FUOM: variants seen among roughly 807,000 people sequenced by gnomAD.
FUOM encodes fucose mutarotase.
In FUOM, 19 loss-of-function variants were observed where a neutral mutation model predicts 18.3. The observed-to-expected ratio is 1.04, with a 90% confidence interval of 0.73 to 1.53. The LOEUF (loss-of-function observed/expected upper bound fraction) is 1.53. Among genes scored for constraint, FUOM ranks in the 40% most tolerant of loss-of-function variants. The pLI is 0.00. For synonymous variants in FUOM, 102 were observed against 87.9 expected (o/e 1.16, Z -0.90); for missense variants, 210 against 200.9 (o/e 1.04, Z -0.27).
downstream of FUOM, among the ~76,000 whole-genome samples, chr10:133,353,955 T>C (rs1391804176): frequency 6.8e-6 from 1 of 147,628 alleles, no homozygotes; most frequent in African/African-American, 2.6e-5. Context: ...CCCAAGCTGG[T>C]GTTTGTGGCT....
chr10:133,355,092 A>G (rs60244572), downstream of FUOM: 27,359 of 497,026 alleles, frequency 0.055, 2,547 homozygotes, highest in African/African-American at 0.29. Flanking sequence ...CGTGGGGGCC[A>G]CTCTGGAGCC....
downstream of FUOM, among the ~76,000 whole-genome samples, chr10:133,353,100 C>T (rs1381122682): frequency 2.0e-5 from 3 of 152,248 alleles, no homozygotes; most frequent in African/African-American, 7.2e-5. Flanking sequence ...GGGCTCCCTA[C>T]AGCAGGAGCC....
In FUOM at chr10:133,356,751, G is replaced by T. The variant is rs1426606190; in HGVS notation, c.226-13C>A. 1.3e-6 allele frequency: 2 copies of T among 1,556,752 alleles called. No individual in the cohort carries two copies. The highest frequency in any genetic ancestry group is 1.4e-5 in the African/African-American group (1 of 73,446). On this transcript the variant is annotated splice_polypyrimidine_tract_variant and intron_variant, in intron 3 of 5. Coordinates refer to ENST00000278025, the MANE Select transcript of FUOM (RefSeq NM_001098483.3). ...CCATGACTGCAGCCTAGAGGGAGGG[G>T]TCAGCTCTGGGGCCCTGGGCACTGC...
Position 133,355,441 on chromosome 10 carries a change from A to T in FUOM, c.399-5T>A. 1 of 1,609,978 alleles carries T rather than the reference A, an allele frequency of 6.2e-7. No homozygotes were observed. The highest frequency in any genetic ancestry group is 8.5e-7 in the Non-Finnish European group (1 of 1,178,902). On this transcript the variant is annotated splice_polypyrimidine_tract_variant and splice_region_variant and intron_variant, in intron 5 of 5. Coordinates refer to ENST00000278025, the MANE Select transcript of FUOM (RefSeq NM_001098483.3). ...TTTCCGTAGAGGGCCGTCTCCCTGC[A>T]GAGGAGCCAAGCCCAGCACTGAGCT...
In FUOM at chr10:133,355,244, CG is replaced by C; in HGVS notation, c.*125del. Reference sequence around the variant, plus strand: ...TTGGCAGGGCCCACCCCAAGACTGCCGGCCCCTAGAGCCCTGGCCAGGGCCC... The same window carrying C: ...TTGGCAGGGCCCACCCCAAGACTGCCGCCCCTAGAGCCCTGGCCAGGGCCC... On this transcript the variant is annotated 3_prime_UTR_variant, in exon 6 of 6. Coordinates refer to ENST00000278025, the MANE Select transcript of FUOM (RefSeq NM_001098483.3). 2 of 1,067,396 alleles carry C rather than the reference CG, an allele frequency of 1.9e-6. No homozygotes were observed. Among genetic ancestry groups the C allele is most frequent in the Non-Finnish European group, 2.6e-6 (2 of 761,470 alleles). 66.1% of individuals were successfully genotyped at this position (1,067,396 alleles called of 1,614,324 possible). A position where few individuals can be genotyped will look rare whatever the true frequency, so the allele number is the denominator to read the frequency against.
At chr10:133,354,857 C>T (rs1442978540), downstream of FUOM, among the ~76,000 whole-genome samples, 1 of 152,226 alleles carries the variant, frequency 6.6e-6, no homozygotes, top group Non-Finnish European at 1.5e-5. Flanking sequence ...GCGTCCAGGC[C>T]AGCCCCTGCC....
intron 4 of FUOM, among the ~76,000 whole-genome samples, chr10:133,356,316 T>C (rs1185116557): frequency 1.3e-5 from 2 of 152,000 alleles, no homozygotes; most frequent in African/African-American, 2.4e-5. Flanking sequence ...CCAGGGGAGA[T>C]TGAGGAGGTG....
At position 133,355,331 on chromosome 10, in the gene FUOM, C is replaced by A; in HGVS notation, c.*39G>T. The A allele has an allele frequency of 6.4e-7, 1 of 1,561,152 alleles. No individual in the cohort carries two copies. The highest frequency in any genetic ancestry group is 2.3e-5 in the East Asian group (1 of 42,802). On this transcript the variant is annotated 3_prime_UTR_variant, in exon 6 of 6. Transcript: ENST00000278025. ...GTGGTGGTACTGGAGCTCAGGGTGC[C>A]CCCAGTTCCTCTTCCGGCCCAGGTG...
At chr10:133,353,792 CCT>C (rs1038811689), downstream of FUOM, among the ~76,000 whole-genome samples, 3 of 152,088 alleles carry the variant, frequency 2.0e-5, no homozygotes, top group Admixed American at 6.5e-5. Flanking sequence ...GGCAGCCTCC[CCT>C]GTCATCCTGA....
In FUOM at chr10:133,355,941, G is replaced by T. The variant is rs74164155; in HGVS notation, c.325-130C>A. On this transcript the variant is annotated intron_variant, in intron 4 of 5. Transcript: ENST00000278025. ...GGTTCCATTTCTTGGGCTCTCCCCC[G>T]GCAAGGGCCCCACGGTCACTCAGCC... The T allele has an allele frequency of 2.0e-3, 1,568 of 790,776 alleles. 26 individuals carry two copies. In the African/African-American group the frequency reaches 0.024, roughly 12 times the overall value. The allele number at this position is 790,776 out of a possible 1,614,324, so 49.0% of individuals were successfully genotyped here. A position where few individuals can be genotyped will look rare whatever the true frequency, so the allele number is the denominator to read the frequency against.
intron 4 of FUOM, 67 bp from the exon 5 acceptor site, chr10:133,355,878 T>G: frequency 1.5e-6 from 2 of 1,307,662 alleles, no homozygotes; most frequent in Non-Finnish European, 2.2e-6. Flanking sequence ...AGCCCTGGAC[T>G]CCCCAGGGCC....
chr10:133,352,828 GATCA>G (rs577794644), downstream of FUOM: 166 of 187,448 alleles, frequency 8.9e-4, no homozygotes, highest in Non-Finnish European at 1.3e-3. Flanking sequence ...CATCTCAATC[GATCA>G]ATCAATCAAT....
chr10:133,357,776 A>T, intron 1 of FUOM, 147 bp downstream of exon 1: 1 of 575,104 alleles, frequency 1.7e-6, no homozygotes, highest in Non-Finnish European at 3.0e-6. Context: ...AATGCGGGGG[A>T]GGGGGCTTCC....
downstream of FUOM, among the ~76,000 whole-genome samples, chr10:133,353,235 G>A (rs1419380962): frequency 6.6e-6 from 1 of 152,180 alleles, no homozygotes; most frequent in Non-Finnish European, 1.5e-5. Context: ...CCAGGCCCAG[G>A]ACATGGCCTT....
At position 133,357,273 on chromosome 10, in the gene FUOM, C is replaced by T; in HGVS notation, c.86-18G>A. 1 of 1,562,256 alleles carries T rather than the reference C, an allele frequency of 6.4e-7. No individual in the cohort carries two copies. Among genetic ancestry groups the T allele is most frequent in the Non-Finnish European group, 8.7e-7 (1 of 1,154,316 alleles). ...CGCAAGAACTAAACAGCCGGGAGGA[C>T]AGCCCGTGTCGGCACCTATCCCTGC... On this transcript the variant is annotated intron_variant, in intron 1 of 5. Transcript: ENST00000278025.
At chr10:133,356,887 CA>C in intron 3 of FUOM, 55 bp downstream of exon 3, 1 of 1,528,392 alleles carries the variant, frequency 6.5e-7, no homozygotes. Context: ...ATGAAGCCCG[CA>C]AAAGGGGAAA....
downstream of FUOM, among the ~76,000 whole-genome samples, chr10:133,353,583 G>A (rs1354707494): frequency 6.6e-6 from 1 of 152,200 alleles, no homozygotes; most frequent in Non-Finnish European, 1.5e-5. Context: ...GTTTGCCCAG[G>A]TGTGGAAGAG....
chr10:133,355,866 C>T (rs1428798868), intron 4 of FUOM, 55 bp from the exon 5 acceptor site: 1 of 1,457,604 alleles, frequency 6.9e-7, no homozygotes, highest in East Asian at 2.3e-5. Flanking sequence ...CCCTCATGGG[C>T]CAGCCCTGGA....
chr10:133,354,926 C>T (rs1848738264), downstream of FUOM, among the ~76,000 whole-genome samples: 1 of 152,174 alleles, frequency 6.6e-6, no homozygotes, highest in African/African-American at 2.4e-5. Context: ...TTGGTGTCCA[C>T]AGCCCAGGGG....
Sources: allele counts gnomAD v4.1 joint callset (sites outside exome capture counted in the v4.1 genomes callset), GRCh38; gene constraint gnomAD v4.1.1; transcripts MANE v1.5; gene names NCBI Gene and HGNC (gene_info 2026-07-23, HGNC 2026-07-21).